The following AP4S1 variants were observed in gnomAD, a reference collection of about 807,000 sequenced individuals.
The protein encoded by AP4S1 is adaptor related protein complex 4 subunit sigma 1, also known as AP-4 complex subunit sigma-1.
In AP4S1, 23 loss-of-function variants were observed where a neutral mutation model predicts 19.8. The observed-to-expected ratio is 1.16, with a 90% CI of 0.84 to 1.65. AP4S1 has a LOEUF of 1.65. AP4S1 is among the 40% of genes most tolerant of loss of function. The pLI is 0.00. For missense variants in AP4S1, 166 were observed against 172.8 expected (o/e 0.96, Z 0.22); for synonymous variants, 46 against 54.1 (o/e 0.85, Z 0.66).
chr14:31,074,434 T>C (rs571557804), intron 4 of AP4S1, among the ~76,000 whole-genome samples: 1 of 151,888 alleles, frequency 6.6e-6, no homozygotes, highest in Non-Finnish European at 1.5e-5. Context: ...AGGCCGATCA[T>C]GAGGTCAGGA....
At chr14:31,067,112 G>C (rs1220936365) in intron 2 of AP4S1, among the ~76,000 whole-genome samples, 1 of 151,658 alleles carries the variant, frequency 6.6e-6, no homozygotes, top group Non-Finnish European at 1.5e-5. Flanking sequence ...TGGGGAGGCC[G>C]AGGCAGGATT....
chr14:31,075,571 TC>T (rs1887309723), intron 4 of AP4S1, among the ~76,000 whole-genome samples: 1 of 152,184 alleles, frequency 6.6e-6, no homozygotes, highest in African/African-American at 2.4e-5. Flanking sequence ...TATAGATTTG[TC>T]TGTTCTAGAT....
intron 1 of AP4S1, among the ~76,000 whole-genome samples, chr14:31,057,836 C>T (rs1363768795): frequency 6.6e-6 from 1 of 151,820 alleles, no homozygotes; most frequent in Non-Finnish European, 1.5e-5. Flanking sequence ...CAATGTTAGC[C>T]AGGCTGGTCT....
chr14:31,056,924 G>C (rs1465903500), intron 1 of AP4S1, among the ~76,000 whole-genome samples: 1 of 152,042 alleles, frequency 6.6e-6, no homozygotes, highest in Non-Finnish European at 1.5e-5. Flanking sequence ...ATATACAAAA[G>C]TTAGCTGGGC....
intron 1 of AP4S1, among the ~76,000 whole-genome samples, chr14:31,065,506 A>G (rs900534169): frequency 1.3e-5 from 2 of 152,202 alleles, no homozygotes; most frequent in Non-Finnish European, 2.9e-5. Context: ...TTTCATCTTC[A>G]CATTCTTCTG....
At chr14:31,031,887 A>C (rs537351464) in intron 1 of AP4S1, among the ~76,000 whole-genome samples, 2 of 150,950 alleles carry the variant, frequency 1.3e-5, no homozygotes, top group Non-Finnish European at 2.9e-5. Flanking sequence ...AATCTTCAAC[A>C]ATGCCTATTT....
At chr14:31,060,746 A>G (rs1452490713) in intron 1 of AP4S1, among the ~76,000 whole-genome samples, 6 of 152,240 alleles carry the variant, frequency 3.9e-5, no homozygotes, top group Non-Finnish European at 8.8e-5. Context: ...GATTCTGATT[A>G]GTCCAAGAAC....
In AP4S1 at chr14:31,094,291, G is replaced by A. The variant is rs1166335513; in HGVS notation, c.*1256G>A. ...TGTACTACAACCTTGAACCTTCCTG[G>A]CCTGGCTCTAAAAGCTTTGTAATGT... On this transcript the variant is annotated 3_prime_UTR_variant, in exon 6 of 6. Transcript: ENST00000542754. 6.6e-6 allele frequency: 1 copy of A among 152,532 alleles called. No homozygotes were observed. Among genetic ancestry groups the A allele is most frequent in the Non-Finnish European group, 1.5e-5 (1 of 68,388 alleles). 9.4% of individuals were successfully genotyped at this position (152,532 alleles called of 1,614,324 possible). A position where few individuals can be genotyped will look rare whatever the true frequency, so the allele number is the denominator to read the frequency against.
chr14:31,049,424 AAAAAATATAT>A (rs1459065139), intron 1 of AP4S1, among the ~76,000 whole-genome samples: 116 of 44,176 alleles, frequency 2.6e-3, no homozygotes, highest in Non-Finnish European at 3.7e-3. Context: ...AAAAAAAAAA[AAAAAATATAT>A]ATATATATAT....
intron 4 of AP4S1, among the ~76,000 whole-genome samples, chr14:31,078,164 C>T (rs1417960449): frequency 6.6e-6 from 1 of 152,126 alleles, no homozygotes; most frequent in Non-Finnish European, 1.5e-5. Context: ...GTGGTCATTC[C>T]AGAGACTGGC....
chr14:31,080,912 C>T (rs577412979), intron 5 of AP4S1, among the ~76,000 whole-genome samples: 11 of 152,168 alleles, frequency 7.2e-5, no homozygotes, highest in Non-Finnish European at 1.2e-4. Flanking sequence ...ATTCTCCTGC[C>T]TCAGCCTCCT....
intron 4 of AP4S1, 76 bp downstream of exon 4, chr14:31,073,049 C>T (rs1199270624): frequency 1.6e-6 from 2 of 1,212,608 alleles, no homozygotes; most frequent in Admixed American, 3.4e-5. Context: ...GGATCTATAT[C>T]AAGAACATGT....
intron 1 of AP4S1, among the ~76,000 whole-genome samples, chr14:31,047,497 C>A (rs567642069): frequency 3.9e-4 from 59 of 151,148 alleles, no homozygotes; most frequent in Non-Finnish European, 6.9e-4. Context: ...ACGCCGTTCT[C>A]CTGCCTCAGC....
intron 1 of AP4S1, among the ~76,000 whole-genome samples, chr14:31,030,701 C>T (rs962542935): frequency 3.3e-5 from 5 of 152,022 alleles, no homozygotes; most frequent in African/African-American, 9.7e-5. Context: ...TTCAGGTGCT[C>T]TACTGCTCCC....
rs376772684 is a variant in AP4S1, at chr14:31,073,301, T to C, written c.294+328T>C. 2.6e-3 allele frequency: 707 copies of C among 270,110 alleles called. 7 individuals carry two copies. Among genetic ancestry groups the C allele is most frequent in the East Asian group, 0.012 (133 of 10,968 alleles). The allele number at this position is 270,110 out of a possible 1,614,324, so 16.7% of individuals were successfully genotyped here. On this transcript the variant is annotated intron_variant, in intron 4 of 5. Transcript: ENST00000542754. ...GTCAGGAGATGGAGACCATCCTGGC[T>C]AATACGGTGAAACCCCGTCTCTACT... is the stretch of plus-strand genomic sequence containing the variant.
At chr14:31,091,006 A>G (rs985310509) in intron 5 of AP4S1, among the ~76,000 whole-genome samples, 1 of 152,318 alleles carries the variant, frequency 6.6e-6, no homozygotes, top group East Asian at 1.9e-4. Context: ...TGGGAAATTG[A>G]CTTGCTGGAG....
At position 31,094,829 on chromosome 14, in the gene AP4S1, A is replaced by C. The variant is rs1888160521; in HGVS notation, c.*1794A>C. 6.6e-6 allele frequency: 1 copy of C among 152,396 alleles called. No homozygotes were observed. Among genetic ancestry groups the C allele is most frequent in the African/African-American group, 2.4e-5 (1 of 41,470 alleles). The allele number at this position is 152,396 out of a possible 1,614,324, so 9.4% of individuals were successfully genotyped here. ...CAGGAGTTTGAAACCAGCCTGGCCA[A>C]CATGGCAAAACCTTGTCTCTACTAA... On this transcript the variant is annotated 3_prime_UTR_variant, in exon 6 of 6. Coordinates refer to ENST00000542754, the MANE Select transcript of AP4S1 (RefSeq NM_001128126.3).
intron 1 of AP4S1, among the ~76,000 whole-genome samples, chr14:31,030,571 A>T (rs59589591): frequency 0.076 from 11,581 of 151,872 alleles, 536 homozygotes; most frequent in Non-Finnish European, 0.1. Flanking sequence ...TTGATCTCTA[A>T]CTCCTGGCCT....
intron 1 of AP4S1, among the ~76,000 whole-genome samples, chr14:31,048,208 C>T (rs1451035250): frequency 6.6e-6 from 1 of 151,500 alleles, no homozygotes; most frequent in African/African-American, 2.4e-5. Context: ...ATTCTCTTGC[C>T]TCGGCCTCCC....
Sources: allele counts gnomAD v4.1 joint callset (sites outside exome capture counted in the v4.1 genomes callset), GRCh38; gene constraint gnomAD v4.1.1; transcripts MANE v1.5; gene names NCBI Gene and HGNC (gene_info 2026-07-23, HGNC 2026-07-21).